The following BCHE variants were observed in gnomAD, a reference collection of about 807,000 sequenced individuals.
BCHE encodes butyrylcholinesterase, also known as cholinesterase.
A neutral mutation model predicts 51.3 loss-of-function variants in BCHE; 48 were observed. The observed-to-expected ratio is 0.94, with a 90% CI of 0.74 to 1.19. The LOEUF is 1.19. BCHE is among the 50% of genes most tolerant of loss of function. The pLI is 0.00. For synonymous variants in BCHE, 251 were observed against 238.0 expected, an observed-to-expected ratio of 1.05 and a Z score of -0.50; for missense variants, 847 against 708.2, an observed-to-expected ratio of 1.20 and a Z score of -2.23.
At chr3:165,787,704 G>A (rs1328357176) in intron 2 of BCHE, among the ~76,000 whole-genome samples, 2 of 151,890 alleles carry the variant, frequency 1.3e-5, no homozygotes, top group Admixed American at 1.3e-4. Context: ...TAGGATAGAA[G>A]GAGATACAAT....
At position 165,773,199 on chromosome 3, in the gene BCHE, A is replaced by C. The variant is rs1712322094; in HGVS notation, c.*183T>G. ...TGTGAAATTTAATTAAACACGTTCT[A>C]GCCATTTGGGTTTTGAAATGCTAGG... On this transcript the variant is annotated 3_prime_UTR_variant, in exon 4 of 4. Transcript: ENST00000264381. 3 of 552,096 alleles carry C rather than the reference A, an allele frequency of 5.4e-6. No individual in the cohort carries two copies. The highest frequency in any genetic ancestry group is 3.8e-5 in the African/African-American group (2 of 52,572). 34.2% of individuals were successfully genotyped at this position (552,096 alleles called of 1,614,324 possible).
At chr3:165,787,443 T>C (rs1349553020) in intron 2 of BCHE, among the ~76,000 whole-genome samples, 1 of 151,494 alleles carries the variant, frequency 6.6e-6, no homozygotes, top group Non-Finnish European at 1.5e-5. Flanking sequence ...AACAAAGAAC[T>C]ACAACATAAG....
intron 3 of BCHE, among the ~76,000 whole-genome samples, chr3:165,779,566 G>A (rs1237893071): frequency 2.6e-5 from 4 of 152,072 alleles, no homozygotes; most frequent in Non-Finnish European, 5.9e-5. Context: ...AAATTCAGCA[G>A]TCTCAGTGTA....
Position 165,773,297 on chromosome 3 carries a change from T to A in BCHE, c.*85A>T, listed in dbSNP as rs1044973756. 1.0e-5 allele frequency: 14 copies of A among 1,334,368 alleles called. No individual in the cohort carries two copies. The highest frequency in any genetic ancestry group is 2.9e-5 in the African/African-American group (2 of 67,952). The allele number at this position is 1,334,368 out of a possible 1,614,324, so 82.7% of individuals were successfully genotyped here. A position where few individuals can be genotyped will look rare whatever the true frequency, so the allele number is the denominator to read the frequency against. On this transcript the variant is annotated 3_prime_UTR_variant, in exon 4 of 4. Coordinates refer to ENST00000264381, the MANE Select transcript of BCHE (RefSeq NM_000055.4). ...ATTTTTGTTTCAGCTACATAATAAC[T>A]TTTTTAGTAGGTGTGTAAAAAAGCT...
At position 165,811,431 on chromosome 3, in the gene BCHE, TAA is replaced by T. The variant is rs1714088437; in HGVS notation, c.1517+18084_1517+18085del. On this transcript the variant is annotated intron_variant, in intron 2 of 3. Coordinates refer to ENST00000264381, the MANE Select transcript of BCHE (RefSeq NM_000055.4). ...TGTAGATGTGCCTAAGAGAGCAGTG[TAA>T]GTGTGTGTGTGGAATGAAAGAATGT... Among the ~76,000 whole-genome samples the T allele has an allele frequency of 4.5e-4, 7 of 15,492 alleles. No individual in the cohort carries two copies. In the Admixed American group the frequency reaches 6.4e-3, roughly 14 times the overall value. 10.2% of individuals were successfully genotyped at this position (15,492 alleles called of 152,430 possible).
chr3:165,837,177 T>C, intron 1 of BCHE, 137 bp downstream of exon 1: 1 of 426,840 alleles, frequency 2.3e-6, no homozygotes, highest in Non-Finnish European at 4.1e-6. Flanking sequence ...CTGTCCCATT[T>C]GCAAGCTTCA....
chr3:165,773,895 T>A (rs1465869141), intron 3 of BCHE, among the ~76,000 whole-genome samples: 3 of 152,078 alleles, frequency 2.0e-5, no homozygotes, highest in African/African-American at 7.2e-5. Flanking sequence ...TTTACATATA[T>A]AGTTATATAA....
At chr3:165,781,921 G>A (rs561138585) in intron 3 of BCHE, among the ~76,000 whole-genome samples, 1 of 152,106 alleles carries the variant, frequency 6.6e-6, no homozygotes, top group African/African-American at 2.4e-5. Flanking sequence ...AACACACACA[G>A]AAAATGTGAA....
In BCHE at chr3:165,830,744, A is replaced by G; in HGVS notation, c.290T>C (p.Ile97Thr). The stretch of plus-strand genomic sequence containing the variant: ...ATGGAAGCCTGGAAAACTTTGATCT[A>G]TGTTCTGACAGCAAGAATTTGCATA... ...TKYANSCCQNIDQSFPGFHGS... is the reference protein window; with the variant it reads ...TKYANSCCQNTDQSFPGFHGS... Residue 97 changes from isoleucine to threonine, a missense_variant, in exon 2 of 4, where the codon ATA becomes ACA. By Grantham distance (89) the Ile-to-Thr change is moderately conservative. Coordinates refer to ENST00000264381, the MANE Select transcript of BCHE (RefSeq NM_000055.4). 1 of 1,613,894 alleles carries G rather than the reference A, an allele frequency of 6.2e-7. No individual in the cohort carries two copies. Among genetic ancestry groups the G allele is most frequent in the East Asian group, 2.2e-5 (1 of 44,882 alleles).
At chr3:165,776,801 T>C (rs966378047) in intron 3 of BCHE, among the ~76,000 whole-genome samples, 1 of 151,742 alleles carries the variant, frequency 6.6e-6, no homozygotes, top group Non-Finnish European at 1.5e-5. Flanking sequence ...CAGATTCTTA[T>C]GTAGAGAGTA....
chr3:165,796,681 G>A (rs914057147), intron 2 of BCHE, among the ~76,000 whole-genome samples: 5 of 151,988 alleles, frequency 3.3e-5, no homozygotes, highest in South Asian at 2.1e-4. Flanking sequence ...TATATTATGT[G>A]AACATTTTAA....
chr3:165,802,211 G>A (rs1316820278), intron 2 of BCHE, among the ~76,000 whole-genome samples: 2 of 152,142 alleles, frequency 1.3e-5, no homozygotes, highest in Non-Finnish European at 2.9e-5. Flanking sequence ...CCATTAATTT[G>A]CAATAAGTGA....
chr3:165,790,256 C>A (rs745724156), intron 2 of BCHE, among the ~76,000 whole-genome samples: 2 of 152,030 alleles, frequency 1.3e-5, no homozygotes, highest in Admixed American at 6.6e-5. Flanking sequence ...ATCGATCATG[C>A]CTAAATATAG....
At chr3:165,786,377 T>C in intron 2 of BCHE, 66 bp from the exon 3 acceptor site, 8 of 1,396,370 alleles carry the variant, frequency 5.7e-6, no homozygotes, top group Non-Finnish European at 7.9e-6. Flanking sequence ...AGAATATTGT[T>C]TTCTAACACT....
intron 2 of BCHE, among the ~76,000 whole-genome samples, chr3:165,805,666 G>T (rs1334136179): frequency 6.6e-6 from 1 of 152,088 alleles, no homozygotes; most frequent in Non-Finnish European, 1.5e-5. Flanking sequence ...TAAACATAAA[G>T]ATCATATTTT....
At chr3:165,782,727 C>A (rs1712756349) in intron 3 of BCHE, among the ~76,000 whole-genome samples, 1 of 152,088 alleles carries the variant, frequency 6.6e-6, no homozygotes, top group Admixed American at 6.6e-5. Context: ...ATTGAGGAGG[C>A]TTTCCAGCAG....
At position 165,778,598 on chromosome 3, in the gene BCHE, A is replaced by G; in HGVS notation, c.1685-5092T>C. 1.4e-5 allele frequency: 6 copies of G among 413,878 alleles called. No homozygotes were observed. The Admixed American group carries it at 1.5e-4, about 10-fold the overall frequency. The allele number at this position is 413,878 out of a possible 1,614,324, so 25.6% of individuals were successfully genotyped here. A position where few individuals can be genotyped will look rare whatever the true frequency, so the allele number is the denominator to read the frequency against. On this transcript the variant is annotated intron_variant, in intron 3 of 3. Coordinates refer to ENST00000264381, the MANE Select transcript of BCHE (RefSeq NM_000055.4). ...TTGCCTTCACATTGAGATTCAGTGC[A>G]GGTATCTTCTCTTCTTAAAAGCTTT...
intron 3 of BCHE, among the ~76,000 whole-genome samples, chr3:165,774,083 A>AT (rs1673968695): frequency 6.6e-6 from 1 of 152,114 alleles, no homozygotes; most frequent in Non-Finnish European, 1.5e-5. Flanking sequence ...CATACCTAAT[A>AT]TAATGAAAGT....
Position 165,786,237 on chromosome 3 carries a change from A to G in BCHE, c.1592T>C (p.Leu531Ser). The change falls in exon 3 of 4, where the codon TTG becomes TCG. Residue 531 changes from leucine (L) to serine (S), a missense_variant. Coordinates refer to ENST00000264381, the MANE Select transcript of BCHE (RefSeq NM_000055.4). Reference sequence around the variant, plus strand: ...CATTATTCTTGTTGACTCTGTATTCAAGGTTAGATATTTTTGTTCAGTGCT... The same window carrying G: ...CATTATTCTTGTTGACTCTGTATTCGAGGTTAGATATTTTTGTTCAGTGCT... ...FKSTEQKYLT[L>S]NTESTRIMTK... The G allele has an allele frequency of 6.2e-7, 1 of 1,612,210 alleles. No individual in the cohort carries two copies. Among genetic ancestry groups the G allele is most frequent in the Non-Finnish European group, 8.5e-7 (1 of 1,178,696 alleles).
Sources: gnomAD v4.1 joint callset for allele counts (sites outside exome capture counted in the v4.1 genomes callset) on GRCh38, gnomAD v4.1.1 for gene constraint, MANE v1.5 for transcripts, NCBI Gene and HGNC (gene_info 2026-07-23, HGNC 2026-07-21) for gene names.